POLR3C: variants seen among roughly 807,000 people sequenced by gnomAD.
POLR3C encodes DNA-directed RNA polymerase III subunit RPC3.
In POLR3C, 44 loss-of-function variants were observed where a neutral mutation model predicts 65.9. That is an observed-to-expected ratio of 0.67 (90% CI 0.52 to 0.86). The LOEUF (loss-of-function observed/expected upper bound fraction) is 0.86. POLR3C is among the 40% of genes least tolerant of loss of function. The pLI is 0.00. For missense variants in POLR3C, 576 were observed against 653.2 expected, an observed-to-expected ratio of 0.88 and a Z score of 1.29; for synonymous variants, 263 against 231.6, an observed-to-expected ratio of 1.14 and a Z score of -1.23.
chr1:145,824,553 T>TG, intron 1 of POLR3C, 184 bp downstream of exon 1: 1 of 1,286,104 alleles, frequency 7.8e-7, no homozygotes, highest in Non-Finnish European at 1.0e-6. Flanking sequence ...AATAGGTCTC[T>TG]GGTGATACTG....
chr1:145,833,394 A>G (rs200821175), intron 6 of POLR3C, 30 bp downstream of exon 6: 1 of 1,539,276 alleles, frequency 6.5e-7, no homozygotes, highest in Non-Finnish European at 9.0e-7. Context: ...GTCATTGGTC[A>G]TCAGGGACAT....
chr1:145,832,407 G>A (rs956483743), intron 5 of POLR3C, among the ~76,000 whole-genome samples: 7 of 152,138 alleles, frequency 4.6e-5, no homozygotes, highest in Admixed American at 2.0e-4. Context: ...ATAAGAAGGC[G>A]GTAGAGAAGG....
chr1:145,833,624 G>A (rs762435631), intron 7 of POLR3C, 42 bp downstream of exon 7: 1 of 1,306,938 alleles, frequency 7.7e-7, no homozygotes, highest in Non-Finnish European at 1.1e-6. Context: ...ACAGATTCTT[G>A]GGTGTTATCA....
At chr1:145,828,500 G>T (rs782299724) in intron 4 of POLR3C, among the ~76,000 whole-genome samples, 28 of 152,164 alleles carry the variant, frequency 1.8e-4, no homozygotes, top group Non-Finnish European at 3.8e-4. Context: ...GCACATGTGG[G>T]AGGATGATAT....
At chr1:145,834,717 A>G (rs993480492) in intron 7 of POLR3C, among the ~76,000 whole-genome samples, 2 of 152,180 alleles carry the variant, frequency 1.3e-5, no homozygotes, top group African/African-American at 4.8e-5. Flanking sequence ...CTATGACATC[A>G]CAAAGCAGTA....
Position 145,843,689 on chromosome 1 carries a change from G to A in POLR3C, c.*1269G>A, listed in dbSNP as rs1184600710. Among the ~76,000 whole-genome samples the A allele has an allele frequency of 6.6e-6, 1 of 152,196 alleles. No individual in the cohort carries two copies. The highest frequency in any genetic ancestry group is 6.5e-5 in the Admixed American group (1 of 15,280). On this transcript the variant is annotated 3_prime_UTR_variant, in exon 15 of 15. Transcript: ENST00000334163. ...TAGAAGAGTAAACACTATGTACAGA[G>A]AGGCCAGAAAGGGAAAAGGGTCAGG...
At chr1:145,835,444 C>CAAA (rs781982068) in intron 7 of POLR3C, among the ~76,000 whole-genome samples, 4 of 104,200 alleles carry the variant, frequency 3.8e-5, no homozygotes, top group African/African-American at 1.4e-4. Context: ...GACTCTGTCT[C>CAAA]AAAAAAAAAA....
chr1:145,841,778 T>C (rs1652312980), intron 14 of POLR3C, among the ~76,000 whole-genome samples: 1 of 152,190 alleles, frequency 6.6e-6, no homozygotes, highest in Non-Finnish European at 1.5e-5. Context: ...CTTCTGTCTT[T>C]TCAATCTAGA....
chr1:145,832,988 C>G (rs1230652028), intron 5 of POLR3C, among the ~76,000 whole-genome samples: 1 of 152,158 alleles, frequency 6.6e-6, no homozygotes, highest in Admixed American at 6.6e-5. Flanking sequence ...TGCCACTGCA[C>G]TCCAGCCTGG....
intron 7 of POLR3C, among the ~76,000 whole-genome samples, chr1:145,834,091 C>T (rs201067022): frequency 4.6e-5 from 7 of 152,228 alleles, no homozygotes; most frequent in South Asian, 4.1e-4. Flanking sequence ...CTAGACTGAA[C>T]GGGATAGCCT....
rs782298985 is a variant in POLR3C at position 145,833,245 on chromosome 1, A to G, written c.679-15A>G. The G allele has an allele frequency of 6.6e-7, 1 of 1,512,066 alleles. No individual in the cohort carries two copies. Among genetic ancestry groups the G allele is most frequent in the Non-Finnish European group, 9.1e-7 (1 of 1,094,884 alleles). 93.7% of individuals were successfully genotyped at this position (1,512,066 alleles called of 1,614,324 possible). ...TTACACTATAGCTAAATGTTTCTCT[A>G]AATCTTTTCCTCAGCCCATTCCAGA... On this transcript the variant is annotated splice_polypyrimidine_tract_variant and intron_variant, in intron 5 of 14. Transcript: ENST00000334163.
At chr1:145,826,424 C>T (rs1321441350) in intron 2 of POLR3C, 30 bp from the exon 3 acceptor site, 1 of 1,606,002 alleles carries the variant, frequency 6.2e-7, no homozygotes, top group African/African-American at 1.3e-5. Context: ...CAGGTCTTTC[C>T]TCTCTTTCTT....
At chr1:145,826,373 C>G (rs1553725719) in intron 2 of POLR3C, 81 bp from the exon 3 acceptor site, 2 of 1,240,636 alleles carry the variant, frequency 1.6e-6, no homozygotes, top group African/African-American at 3.0e-5. Context: ...GCTTACTAAG[C>G]TGTTGGACAA....
Position 145,828,752 on chromosome 1 carries a change from A to G in POLR3C, c.593A>G (p.Lys198Arg). 6.2e-7 allele frequency: 1 copy of G among 1,602,584 alleles called. No homozygotes were observed. The highest frequency in any genetic ancestry group is 1.1e-5 in the South Asian group (1 of 90,840). Reference sequence around the variant, plus strand: ...TGTTTAATTGTTTGTTTGGCAGGGAAAGGTAAAAGGAGGAGATCATCTGAT... The same window carrying G: ...TGTTTAATTGTTTGTTTGGCAGGGAGAGGTAAAAGGAGGAGATCATCTGAT... Reference protein sequence around the residue: ...YLVPKLSLIGKGKRRRSSDED... With the variant: ...YLVPKLSLIGRGKRRRSSDED... The change falls in exon 5 of 15, where the codon AAA (lysine) becomes AGA (arginine). Residue 198 changes from lysine (K) to arginine (R), a missense_variant. Transcript: ENST00000334163.
chr1:145,833,236 T>G (rs1651488030), intron 5 of POLR3C, 24 bp from the exon 6 acceptor site: 1 of 1,423,404 alleles, frequency 7.0e-7, no homozygotes, highest in Non-Finnish European at 9.8e-7. Context: ...TATAGCTAAA[T>G]GTTTCTCTAA....
In POLR3C at chr1:145,838,161, G is replaced by A. The variant is rs782605749; in HGVS notation, c.1176G>A (p.Lys392=). Reference sequence around the variant, plus strand: ...CAATGATTCCTGCAAAGGAGGCAAAGGATATGCTATATAAGATGCTCTCAG... The same window carrying A: ...CAATGATTCCTGCAAAGGAGGCAAAAGATATGCTATATAAGATGCTCTCAG... ...DFAMIPAKEA[K]DMLYKMLSEN... is the part of the protein sequence containing the mutation. The change falls in exon 11 of 15, where the codon AAG becomes AAA. Residue 392 remains lysine, a synonymous_variant. Coordinates refer to ENST00000334163, the MANE Select transcript of POLR3C (RefSeq NM_006468.8). 6.2e-7 allele frequency: 1 copy of A among 1,613,962 alleles called. No homozygotes were observed. The highest frequency in any genetic ancestry group is 8.5e-7 in the Non-Finnish European group (1 of 1,179,792).
chr1:145,829,737 A>C (rs587692304), intron 5 of POLR3C, among the ~76,000 whole-genome samples: 9 of 152,256 alleles, frequency 5.9e-5, no homozygotes, highest in African/African-American at 1.7e-4. Flanking sequence ...TCTCTTAAAC[A>C]TGTCAAACTC....
At chr1:145,840,365 C>T (rs1652195139) in intron 13 of POLR3C, 200 bp downstream of exon 13, 5 of 528,170 alleles carry the variant, frequency 9.5e-6, no homozygotes, top group Admixed American at 3.2e-5. Flanking sequence ...CATGGTGAAA[C>T]CCTGTCTTCA....
intron 11 of POLR3C, 30 bp downstream of exon 11, chr1:145,838,236 A>G (rs376586160): frequency 6.2e-6 from 10 of 1,600,910 alleles, no homozygotes; most frequent in South Asian, 1.1e-5. Context: ...ATAATTGCCA[A>G]CCAGCAAAGC....
Sources: gnomAD v4.1 joint callset for allele counts (sites outside exome capture counted in the v4.1 genomes callset) on GRCh38, gnomAD v4.1.1 for gene constraint, MANE v1.5 for transcripts, NCBI Gene and HGNC (gene_info 2026-07-23, HGNC 2026-07-21) for gene names.